GMDS: variants seen among roughly 807,000 people sequenced by gnomAD.
GMDS encodes GDP-mannose 4,6-dehydratase.
In GMDS, 20 loss-of-function variants were observed where a neutral mutation model predicts 49.9. The ratio of observed to expected loss-of-function variants is 0.40; its 90% CI spans 0.28 to 0.58. GMDS has a LOEUF of 0.58. Ranked by LOEUF, GMDS falls within the 20% of genes least tolerant of loss-of-function variation. The pLI, the probability that GMDS is intolerant of heterozygous loss-of-function variation, is 0.42. For missense variants in GMDS, 362 were observed against 481.4 expected, an observed-to-expected ratio of 0.75 and a Z score of 2.32; for synonymous variants, 177 against 178.6, an observed-to-expected ratio of 0.99 and a Z score of 0.07.
intron 7 of GMDS, among the ~76,000 whole-genome samples, chr6:1,865,696 G>A (rs1228244240): frequency 1.3e-5 from 2 of 152,166 alleles, no homozygotes; most frequent in Non-Finnish European, 2.9e-5. Context: ...GCACTTGGAG[G>A]CCAATGGCTT....
intron 9 of GMDS, among the ~76,000 whole-genome samples, chr6:1,673,625 A>G (rs774427695): frequency 5.9e-5 from 9 of 152,116 alleles, no homozygotes; most frequent in Non-Finnish European, 1.2e-4. Context: ...CAAACGTATA[A>G]TGTCATGTAT....
intron 6 of GMDS, among the ~76,000 whole-genome samples, chr6:1,938,304 A>C (rs1226158987): frequency 6.6e-6 from 1 of 152,184 alleles, no homozygotes; most frequent in African/African-American, 2.4e-5. Context: ...TCCTGTGTCT[A>C]CCAATTTCCT....
intron 9 of GMDS, among the ~76,000 whole-genome samples, chr6:1,675,410 C>T (rs1330314913): frequency 6.6e-6 from 1 of 151,524 alleles, no homozygotes; most frequent in Non-Finnish European, 1.5e-5. Context: ...TTTCTTCCTT[C>T]CCAAATCTGC....
At chr6:1,668,444 T>A (rs1469621282) in intron 9 of GMDS, among the ~76,000 whole-genome samples, 1 of 152,198 alleles carries the variant, frequency 6.6e-6, no homozygotes, top group Non-Finnish European at 1.5e-5. Context: ...GCGCAATGGC[T>A]CATGCCTGTA....
chr6:1,693,643 A>G (rs566054978), intron 9 of GMDS, among the ~76,000 whole-genome samples: 46 of 152,274 alleles, frequency 3.0e-4, no homozygotes, highest in Middle Eastern at 3.4e-3. Context: ...CTGTCACTCC[A>G]TCTTGGCTGG....
At chr6:1,832,200 G>A (rs561403194) in intron 7 of GMDS, among the ~76,000 whole-genome samples, 2 of 151,070 alleles carry the variant, frequency 1.3e-5, no homozygotes, top group Admixed American at 1.3e-4. Flanking sequence ...AGACCAGCCT[G>A]GGCAATATAA....
intron 9 of GMDS, among the ~76,000 whole-genome samples, chr6:1,650,666 C>T (rs1271158986): frequency 6.6e-6 from 1 of 152,212 alleles, no homozygotes; most frequent in Non-Finnish European, 1.5e-5. Context: ...ACCTCCGCCT[C>T]CCAGGTTCAA....
At chr6:1,946,306 A>G (rs1023445278) in intron 6 of GMDS, among the ~76,000 whole-genome samples, 2 of 152,220 alleles carry the variant, frequency 1.3e-5, no homozygotes, top group Non-Finnish European at 2.9e-5. Context: ...ACACAGTTCC[A>G]GGGTCAAACC....
At chr6:2,082,237 C>A (rs1448970435) in intron 4 of GMDS, among the ~76,000 whole-genome samples, 2 of 152,192 alleles carry the variant, frequency 1.3e-5, no homozygotes, top group African/African-American at 4.8e-5. Context: ...AACCCATCAG[C>A]TGATGACATT....
At chr6:2,053,017 C>T (rs188593173) in intron 4 of GMDS, among the ~76,000 whole-genome samples, 2 of 152,290 alleles carry the variant, frequency 1.3e-5, no homozygotes, top group Admixed American at 6.5e-5. Flanking sequence ...AAGATCCTTA[C>T]ATACCACTTT....
In GMDS at chr6:2,117,705, A is replaced by G; in HGVS notation, c.148-149T>C. 5 of 602,342 alleles carry G rather than the reference A, an allele frequency of 8.3e-6. No homozygotes were observed. The South Asian group carries it at 9.8e-5, about 12-fold the overall frequency. The allele number at this position is 602,342 out of a possible 1,614,324, so 37.3% of individuals were successfully genotyped here. ...CCCACTGCTTACTTTCTCCCCAACC[A>G]CTGTCCACCAGCTACGAACATCCTA... On this transcript the variant is annotated intron_variant, in intron 2 of 10. Transcript: ENST00000380815.
At chr6:1,814,535 C>T (rs1159663891) in intron 7 of GMDS, among the ~76,000 whole-genome samples, 1 of 152,092 alleles carries the variant, frequency 6.6e-6, no homozygotes, top group East Asian at 1.9e-4. Context: ...ACGTTAAACA[C>T]GTGTGGGATA....
chr6:2,008,151 T>C (rs1415597279), intron 4 of GMDS, among the ~76,000 whole-genome samples: 1 of 152,250 alleles, frequency 6.6e-6, no homozygotes, highest in Non-Finnish European at 1.5e-5. Context: ...AAAATATAAG[T>C]AGGTTAAAAA....
chr6:1,996,577 T>A (rs1479164694), intron 4 of GMDS, among the ~76,000 whole-genome samples: 1 of 152,174 alleles, frequency 6.6e-6, no homozygotes, highest in Non-Finnish European at 1.5e-5. Flanking sequence ...GTTATTTTTT[T>A]CTATATATTT....
intron 8 of GMDS, among the ~76,000 whole-genome samples, chr6:1,730,861 C>A (rs753909049): frequency 6.6e-6 from 1 of 151,822 alleles, no homozygotes; most frequent in Non-Finnish European, 1.5e-5. Context: ...TATTACGAGA[C>A]AGGAAATATA....
At chr6:1,722,983 A>C (rs1288368209) in intron 9 of GMDS, among the ~76,000 whole-genome samples, 1 of 152,222 alleles carries the variant, frequency 6.6e-6, no homozygotes, top group Admixed American at 6.5e-5. Context: ...GTACCAAAAA[A>C]TGTTGCTCAA....
chr6:2,161,230 C>G (rs575129181), intron 1 of GMDS, among the ~76,000 whole-genome samples: 2 of 151,806 alleles, frequency 1.3e-5, no homozygotes, highest in South Asian at 4.2e-4. Flanking sequence ...AGGATGGTCT[C>G]GATCTCCTGA....
intron 7 of GMDS, among the ~76,000 whole-genome samples, chr6:1,817,437 T>G (rs1315858959): frequency 1.3e-5 from 2 of 152,206 alleles, no homozygotes; most frequent in African/African-American, 4.8e-5. Flanking sequence ...AGTTTCTAAC[T>G]GAAATGTTTG....
intron 7 of GMDS, among the ~76,000 whole-genome samples, chr6:1,818,735 T>C (rs1770772958): frequency 6.6e-6 from 1 of 151,842 alleles, no homozygotes; most frequent in Non-Finnish European, 1.5e-5. Context: ...TATATACATA[T>C]ATACATACAT....
Sources: gnomAD v4.1 joint callset for allele counts (sites outside exome capture counted in the v4.1 genomes callset) on GRCh38, gnomAD v4.1.1 for gene constraint, MANE v1.5 for transcripts, NCBI Gene and HGNC (gene_info 2026-07-23, HGNC 2026-07-21) for gene names.